The following EIF3H variants were observed in gnomAD, a reference collection of about 807,000 sequenced individuals.
EIF3H encodes eIF-3-gamma.
A neutral mutation model predicts 44.2 loss-of-function variants in EIF3H; 26 were observed. That is an observed-to-expected ratio of 0.59 (90% CI 0.43 to 0.82). The LOEUF is 0.82. EIF3H is among the 40% of genes least tolerant of loss of function. EIF3H has a pLI of 0.00. For synonymous variants in EIF3H, 166 were observed against 151.9 expected (o/e 1.09, Z -0.68); for missense variants, 359 against 432.8 (o/e 0.83, Z 1.51).
chr8:116,707,427 A>G (rs1402900643), intron 2 of EIF3H, among the ~76,000 whole-genome samples: 2 of 152,214 alleles, frequency 1.3e-5, no homozygotes, highest in Non-Finnish European at 2.9e-5. Flanking sequence ...GCTCTGTAAT[A>G]CATACTATCA....
At chr8:116,661,995 T>A (rs1351364247) in intron 2 of EIF3H, among the ~76,000 whole-genome samples, 1 of 152,194 alleles carries the variant, frequency 6.6e-6, no homozygotes, top group Non-Finnish European at 1.5e-5. Context: ...GCATTTCCAT[T>A]TCCTCTTCCA....
At chr8:116,669,268 A>C (rs1813714443) in intron 2 of EIF3H, among the ~76,000 whole-genome samples, 1 of 152,230 alleles carries the variant, frequency 6.6e-6, no homozygotes, top group African/African-American at 2.4e-5. Flanking sequence ...AAGAAAAGGT[A>C]ATCTTGGGTG....
At chr8:116,710,451 T>C (rs1814554149) in intron 2 of EIF3H, among the ~76,000 whole-genome samples, 1 of 152,160 alleles carries the variant, frequency 6.6e-6, no homozygotes, top group African/African-American at 2.4e-5. Context: ...GTGAAATGGG[T>C]TTAGTGTCTG....
At chr8:116,750,742 T>A (rs1252994753) in intron 1 of EIF3H, among the ~76,000 whole-genome samples, 1 of 151,334 alleles carries the variant, frequency 6.6e-6, no homozygotes, top group Non-Finnish European at 1.5e-5. Flanking sequence ...AAAAACTAAG[T>A]AGTCTGAGGG....
At chr8:116,731,134 A>G (rs1040661694) in intron 1 of EIF3H, among the ~76,000 whole-genome samples, 1 of 152,226 alleles carries the variant, frequency 6.6e-6, no homozygotes, top group Non-Finnish European at 1.5e-5. Flanking sequence ...GCTTATATGT[A>G]TCACAAATGA....
At chr8:116,655,042 C>A (rs1813466144) in intron 5 of EIF3H, among the ~76,000 whole-genome samples, 1 of 151,936 alleles carries the variant, frequency 6.6e-6, no homozygotes, top group South Asian at 2.1e-4. Context: ...TCTTTACCTA[C>A]TCTGACCATT....
chr8:116,686,789 C>CA (rs896799860), intron 2 of EIF3H, among the ~76,000 whole-genome samples: 14 of 148,072 alleles, frequency 9.5e-5, no homozygotes, highest in East Asian at 2.3e-4. Context: ...TTTGCCAGGC[C>CA]AAAAAAATAA....
intron 2 of EIF3H, among the ~76,000 whole-genome samples, chr8:116,721,181 C>T (rs1196608515): frequency 6.6e-6 from 1 of 152,138 alleles, no homozygotes; most frequent in Non-Finnish European, 1.5e-5. Flanking sequence ...TGGTGGCCTA[C>T]CTCCTAGCCA....
At chr8:116,747,446 T>C (rs889738182) in intron 1 of EIF3H, among the ~76,000 whole-genome samples, 4 of 152,224 alleles carry the variant, frequency 2.6e-5, no homozygotes, top group African/African-American at 7.2e-5. Flanking sequence ...CAGAAAATTA[T>C]GTATTACACT....
intron 1 of EIF3H, among the ~76,000 whole-genome samples, chr8:116,751,184 C>T (rs1418443541): frequency 4.0e-5 from 6 of 150,752 alleles, no homozygotes; most frequent in Non-Finnish European, 5.9e-5. Context: ...TGCACTCCAG[C>T]CTGGGCGACA....
chr8:116,726,933 C>T (rs984313375), intron 1 of EIF3H, among the ~76,000 whole-genome samples: 1 of 152,152 alleles, frequency 6.6e-6, no homozygotes, highest in Admixed American at 6.6e-5. Context: ...TTTATAGTGC[C>T]TGGCACATAT....
At chr8:116,667,916 G>A (rs1813694947) in intron 2 of EIF3H, among the ~76,000 whole-genome samples, 2 of 152,044 alleles carry the variant, frequency 1.3e-5, no homozygotes, top group Admixed American at 1.3e-4. Flanking sequence ...ACATGATGAT[G>A]GCAATTTAAA....
chr8:116,744,736 G>A (rs1321858618), intron 1 of EIF3H, among the ~76,000 whole-genome samples: 2 of 152,124 alleles, frequency 1.3e-5, no homozygotes, highest in African/African-American at 2.4e-5. Flanking sequence ...AATATTTTAC[G>A]AAAAACATTA....
chr8:116,675,913 C>A (rs1378571041), intron 2 of EIF3H, among the ~76,000 whole-genome samples: 3 of 152,134 alleles, frequency 2.0e-5, no homozygotes, highest in African/African-American at 7.2e-5. Context: ...ACCAATCTTA[C>A]ATTTCAATGT....
At chr8:116,753,998 C>T (rs558187309) in intron 1 of EIF3H, among the ~76,000 whole-genome samples, 2 of 152,194 alleles carry the variant, frequency 1.3e-5, no homozygotes, top group South Asian at 4.2e-4. Flanking sequence ...CTAAGTCCAC[C>T]CACTAACTTT....
At chr8:116,720,868 C>G (rs1334605076) in intron 2 of EIF3H, among the ~76,000 whole-genome samples, 2 of 152,076 alleles carry the variant, frequency 1.3e-5, no homozygotes, top group African/African-American at 2.4e-5. Flanking sequence ...CTAAGCAGCA[C>G]AGCATTCAAG....
chr8:116,736,360 G>A (rs1291348899), intron 1 of EIF3H, among the ~76,000 whole-genome samples: 9 of 152,150 alleles, frequency 5.9e-5, no homozygotes, highest in Admixed American at 5.9e-4. Flanking sequence ...ATCCAACTGT[G>A]CATTTAAAAT....
chr8:116,738,208 T>G (rs1026635463), intron 1 of EIF3H, among the ~76,000 whole-genome samples: 2 of 152,176 alleles, frequency 1.3e-5, no homozygotes, highest in African/African-American at 4.8e-5. Context: ...TATGTGGAGT[T>G]TCACAAAATA....
intron 1 of EIF3H, among the ~76,000 whole-genome samples, chr8:116,751,529 AAAGT>A (rs1287754340): frequency 2.0e-5 from 3 of 152,178 alleles, no homozygotes; most frequent in East Asian, 1.9e-4. Flanking sequence ...GCTGTGATGG[AAAGT>A]AAGGAGAAGA....
Sources: gnomAD v4.1 joint callset for allele counts (sites outside exome capture counted in the v4.1 genomes callset) on GRCh38, gnomAD v4.1.1 for gene constraint, MANE v1.5 for transcripts, NCBI Gene and HGNC (gene_info 2026-07-23, HGNC 2026-07-21) for gene names.